Variants in SLC17A1 observed in about 807,000 individuals in gnomAD.
SLC17A1 encodes the protein sodium-dependent phosphate transport protein 1.
Under a neutral mutation model 53.5 loss-of-function variants are expected in SLC17A1, and 51 were observed. The observed-to-expected ratio is 0.95, with a 90% CI of 0.76 to 1.20. The LOEUF is 1.20. Ranked by LOEUF, SLC17A1 falls within the 50% of genes most tolerant of loss-of-function variation. SLC17A1 has a pLI of 0.00. For synonymous variants in SLC17A1, 179 were observed against 198.8 expected (o/e 0.90, Z 0.84); for missense variants, 538 against 568.2 (o/e 0.95, Z 0.54).
At chr6:25,797,455 T>A (rs1298268813) in intron 12 of SLC17A1, among the ~76,000 whole-genome samples, 2 of 152,184 alleles carry the variant, frequency 1.3e-5, no homozygotes, top group Admixed American at 1.3e-4. Flanking sequence ...AAGTAACAAC[T>A]TCTTTGACAT....
the SLC17A1 span, among the ~76,000 whole-genome samples, chr6:25,769,731 T>A: frequency 1.3e-5 from 2 of 152,032 alleles, no homozygotes; most frequent in African/African-American, 4.8e-5. Context: ...ATGATGAAAA[T>A]CACTACAAAA....
At chr6:25,757,367 A>C in the SLC17A1 span, among the ~76,000 whole-genome samples, 2 of 152,040 alleles carry the variant, frequency 1.3e-5, no homozygotes, top group East Asian at 3.9e-4. Context: ...TTATTCCTTT[A>C]CATCTGCTTG....
chr6:25,777,687 C>T, the SLC17A1 span: 521 of 407,476 alleles, frequency 1.3e-3, 1 homozygote, highest in Non-Finnish European at 1.9e-3. Flanking sequence ...GAGGTTACCC[C>T]CTTGGGAGTA....
At chr6:25,811,880 G>A (rs995041537) in intron 8 of SLC17A1, 110 bp from the exon 9 acceptor site, 190 of 1,185,644 alleles carry the variant, frequency 1.6e-4, no homozygotes, top group Non-Finnish European at 2.1e-4. Context: ...CTTTCATATA[G>A]GAAATCATCA....
At chr6:25,783,883 G>A (rs1180864095) in intron 12 of SLC17A1, among the ~76,000 whole-genome samples, 1 of 151,718 alleles carries the variant, frequency 6.6e-6, no homozygotes, top group Non-Finnish European at 1.5e-5. Context: ...TGGGATAGTG[G>A]TCTCTGGCAA....
At chr6:25,773,784 C>A in the SLC17A1 span, 1 of 1,104,496 alleles carries the variant, frequency 9.1e-7, no homozygotes, top group South Asian at 1.6e-5. Flanking sequence ...GGATTAGGAC[C>A]AGGCAGGACC....
intron 3 of SLC17A1, among the ~76,000 whole-genome samples, chr6:25,820,664 A>G (rs899857070): frequency 1.2e-4 from 18 of 152,030 alleles, no homozygotes; most frequent in African/African-American, 4.3e-4. Flanking sequence ...GCGGATCACG[A>G]GGTCAGGAGA....
chr6:25,733,786 GTGTGTGTGTGTGTGTGTGTA>G, the SLC17A1 span, among the ~76,000 whole-genome samples: 96 of 121,650 alleles, frequency 7.9e-4, no homozygotes, highest in African/African-American at 2.8e-3. Context: ...CTAATACTGT[GTGTGTGTGTGTGTGTGTGTA>G]TGTGTGTGTG....
At chr6:25,774,095 C>T in the SLC17A1 span, among the ~76,000 whole-genome samples, 1 of 152,066 alleles carries the variant, frequency 6.6e-6, no homozygotes, top group East Asian at 1.9e-4. Context: ...ACATAAACAA[C>T]ATATGCTGAA....
At chr6:25,814,061 G>C (rs757614474) in intron 6 of SLC17A1, among the ~76,000 whole-genome samples, 1 of 152,190 alleles carries the variant, frequency 6.6e-6, no homozygotes, top group Non-Finnish European at 1.5e-5. Context: ...CTATGTTCCT[G>C]AGATACAGCC....
chr6:25,737,353 T>C, the SLC17A1 span, among the ~76,000 whole-genome samples: 1 of 152,080 alleles, frequency 6.6e-6, no homozygotes, highest in Non-Finnish European at 1.5e-5. Flanking sequence ...GGACTCAGCT[T>C]CAGGAAGGCC....
At chr6:25,784,767 T>C (rs1763343763) in intron 12 of SLC17A1, among the ~76,000 whole-genome samples, 1 of 152,168 alleles carries the variant, frequency 6.6e-6, no homozygotes, top group African/African-American at 2.4e-5. Flanking sequence ...TCAGGTTACA[T>C]AAAAGTTAAA....
chr6:25,815,513 C>T (rs955934106), intron 6 of SLC17A1, among the ~76,000 whole-genome samples: 2 of 152,088 alleles, frequency 1.3e-5, no homozygotes, highest in Non-Finnish European at 2.9e-5. Context: ...TTTCCCCTTT[C>T]CCCTTTTCCT....
chr6:25,746,784 G>C, the SLC17A1 span, among the ~76,000 whole-genome samples: 3 of 152,090 alleles, frequency 2.0e-5, no homozygotes, highest in Non-Finnish European at 4.4e-5. Context: ...TTCCAACCTT[G>C]CGTATCCCCT....
chr6:25,816,034 C>A (rs1486446197), intron 6 of SLC17A1, among the ~76,000 whole-genome samples: 1 of 152,058 alleles, frequency 6.6e-6, no homozygotes, highest in East Asian at 1.9e-4. Context: ...GTACCAGACC[C>A]CACTCTTGTT....
chr6:25,750,862 G>T, the SLC17A1 span, among the ~76,000 whole-genome samples: 1 of 152,102 alleles, frequency 6.6e-6, no homozygotes, highest in African/African-American at 2.4e-5. Flanking sequence ...AGTCTGCAAG[G>T]ACTATTCAAA....
At chr6:25,731,552 C>T in the SLC17A1 span, among the ~76,000 whole-genome samples, 4 of 152,290 alleles carry the variant, frequency 2.6e-5, no homozygotes, top group East Asian at 3.9e-4. Flanking sequence ...CATTTAATTG[C>T]CTCGGCTGTG....
chr6:25,781,693 G>T (rs747213300), downstream of SLC17A1, among the ~76,000 whole-genome samples: 2 of 152,248 alleles, frequency 1.3e-5, no homozygotes, highest in South Asian at 4.1e-4. Context: ...GAAGCTGGGA[G>T]GGGGAGAGGA....
chr6:25,800,742 T>C, intron 11 of SLC17A1, 148 bp downstream of exon 11: 3 of 594,268 alleles, frequency 5.0e-6, no homozygotes, highest in South Asian at 4.4e-5. Flanking sequence ...TTTGGAGAGA[T>C]GCCTGATTTG....
Sources: allele counts gnomAD v4.1 joint callset (sites outside exome capture counted in the v4.1 genomes callset), GRCh38; gene constraint gnomAD v4.1.1; transcripts MANE v1.5; gene names NCBI Gene and HGNC (gene_info 2026-07-23, HGNC 2026-07-21).